The following TANC2 variants were observed in gnomAD, a reference collection of about 807,000 sequenced individuals.
TANC2 encodes the protein tetratricopeptide repeat, ankyrin repeat and coiled-coil containing 2.
A neutral mutation model predicts 210.5 loss-of-function variants in TANC2; 26 were observed. The observed-to-expected ratio is 0.12, with a 90% CI of 0.09 to 0.17. TANC2 has a LOEUF of 0.17. TANC2 is among the 10% of genes least tolerant of loss of function. TANC2 has a pLI of 1.00. For synonymous variants in TANC2, 931 were observed against 967.1 expected (o/e 0.96, Z 0.69); for missense variants, 2,129 against 2,608.9 (o/e 0.82, Z 4.01).
At chr17:63,247,331 C>T (rs919601836) in intron 8 of TANC2, among the ~76,000 whole-genome samples, 1 of 151,840 alleles carries the variant, frequency 6.6e-6, no homozygotes, top group Non-Finnish European at 1.5e-5. Flanking sequence ...TCACTTTCCT[C>T]TTTATCTTTT....
At chr17:63,134,140 G>A (rs958860499) in intron 4 of TANC2, among the ~76,000 whole-genome samples, 2 of 152,154 alleles carry the variant, frequency 1.3e-5, no homozygotes, top group Middle Eastern at 6.8e-3. Flanking sequence ...TGTGGGGAGA[G>A]GTGGGGAAAG....
rs765243268 is a variant in TANC2 at position 63,331,856 on chromosome 17, CTGTGTGTG to C, written c.1576-8217_1576-8210del. The C allele has an allele frequency of 2.2e-3, 344 of 153,310 alleles. 1 individual carries two copies. Among genetic ancestry groups the C allele is most frequent in the Middle Eastern group, 6.1e-3 (2 of 326 alleles). 9.5% of individuals were successfully genotyped at this position (153,310 alleles called of 1,614,324 possible). A position where few individuals can be genotyped will look rare whatever the true frequency, so the allele number is the denominator to read the frequency against. On this transcript the variant is annotated intron_variant, in intron 11 of 27. Transcript: ENST00000689528. ...TAAGAGTGTGTGTGTGTGTGTGTGTCTGTGTGTGTGTGTGTGTGTGTGTGTGTGTGTGT... is the reference window on the plus strand; with the variant it reads ...TAAGAGTGTGTGTGTGTGTGTGTGTCTGTGTGTGTGTGTGTGTGTGTGTGT...
At chr17:63,097,560 T>C (rs2037433786) in intron 3 of TANC2, among the ~76,000 whole-genome samples, 1 of 147,496 alleles carries the variant, frequency 6.8e-6, no homozygotes, top group Non-Finnish European at 1.5e-5. Flanking sequence ...CGATAGCTGA[T>C]AAGCTTTAAA....
intron 12 of TANC2, among the ~76,000 whole-genome samples, chr17:63,345,387 A>G (rs774857873): frequency 1.3e-5 from 2 of 152,330 alleles, no homozygotes; most frequent in African/African-American, 4.8e-5. Flanking sequence ...TGGGAGGCCA[A>G]CGCAGGTGGA....
At chr17:63,166,529 G>A (rs567278576) in intron 5 of TANC2, among the ~76,000 whole-genome samples, 1 of 152,228 alleles carries the variant, frequency 6.6e-6, no homozygotes, top group South Asian at 2.1e-4. Context: ...CTTCTGCTAG[G>A]AGTCCTGAGC....
chr17:63,297,198 G>T (rs1051241837), intron 9 of TANC2, among the ~76,000 whole-genome samples: 5 of 152,126 alleles, frequency 3.3e-5, no homozygotes, highest in Admixed American at 1.3e-4. Context: ...AGCCTGTTGG[G>T]CAGGAATGGA....
At chr17:63,401,386 A>G (rs146711433) in intron 19 of TANC2, among the ~76,000 whole-genome samples, 3 of 152,340 alleles carry the variant, frequency 2.0e-5, no homozygotes, top group African/African-American at 7.2e-5. Flanking sequence ...TGTAGCCATT[A>G]TTTTATGTGC....
Position 63,420,980 on chromosome 17 carries a change from A to G in TANC2, c.5250A>G (p.Gly1750=). 2 of 1,613,932 alleles carry G rather than the reference A, an allele frequency of 1.2e-6. No individual in the cohort carries two copies. The highest frequency in any genetic ancestry group is 1.1e-5 in the South Asian group (1 of 91,078). Residue 1750 remains glycine, a synonymous_variant, in exon 28 of 28, where the codon GGA becomes GGG. Coordinates refer to ENST00000689528, the Ensembl canonical transcript of TANC2. The surrounding 1 kb of genome is among the most constrained non-coding windows in gnomAD (Gnocchi z 4.2). ...TGGTTTATCAAGGGTCAATTGGGGG[A>G]ATCGTAGGGGATGGAAGGCCGGTGC...
chr17:63,359,348 ATT>A (rs750516556), intron 14 of TANC2, among the ~76,000 whole-genome samples: 1,698 of 134,810 alleles, frequency 0.013, 36 homozygotes, highest in African/African-American at 0.041. Flanking sequence ...CTGCACCAGC[ATT>A]TTTTTTTTTT....
chr17:63,243,638 C>CAA (rs2042837861), intron 8 of TANC2, among the ~76,000 whole-genome samples: 4 of 152,176 alleles, frequency 2.6e-5, no homozygotes, highest in African/African-American at 9.7e-5. Context: ...AAAATGATCA[C>CAA]ACTTCTATAA....
At chr17:63,075,306 G>A (rs2036532730) in intron 3 of TANC2, among the ~76,000 whole-genome samples, 1 of 152,018 alleles carries the variant, frequency 6.6e-6, no homozygotes. Context: ...TCTGAGCTTT[G>A]TCAGTTAAAA....
chr17:63,209,319 T>C (rs2041816624), intron 7 of TANC2, among the ~76,000 whole-genome samples: 3 of 151,438 alleles, frequency 2.0e-5, no homozygotes, highest in African/African-American at 4.9e-5. Context: ...GGCCACACTT[T>C]TTTTTTTTCC....
chr17:63,416,927 C>G (rs1160100508), intron 26 of TANC2, among the ~76,000 whole-genome samples: 1 of 152,240 alleles, frequency 6.6e-6, no homozygotes, highest in Non-Finnish European at 1.5e-5. Context: ...CTCCCCTGCA[C>G]CAGCCGATGA....
At chr17:63,176,598 G>A (rs933786195) in intron 5 of TANC2, among the ~76,000 whole-genome samples, 3 of 152,094 alleles carry the variant, frequency 2.0e-5, no homozygotes, top group Non-Finnish European at 4.4e-5. Flanking sequence ...AAGGTCAGAA[G>A]ATCGAGACCA....
chr17:63,253,262 T>G (rs1273011264), intron 8 of TANC2, among the ~76,000 whole-genome samples: 1 of 152,204 alleles, frequency 6.6e-6, no homozygotes, highest in African/African-American at 2.4e-5. Context: ...GAAATGTCTA[T>G]TTTTGCCCAT....
chr17:63,077,769 G>A (rs1461949085), intron 3 of TANC2, among the ~76,000 whole-genome samples: 2 of 152,102 alleles, frequency 1.3e-5, no homozygotes, highest in Admixed American at 6.5e-5. Context: ...AGTAGAAAAC[G>A]TGATCAGTTT....
At chr17:63,203,974 G>A (rs1180651617) in intron 7 of TANC2, among the ~76,000 whole-genome samples, 2 of 152,118 alleles carry the variant, frequency 1.3e-5, no homozygotes, top group Admixed American at 1.3e-4. Context: ...TCCCACATTT[G>A]GCTTCCTTCT....
intron 7 of TANC2, among the ~76,000 whole-genome samples, chr17:63,222,720 A>ACACACACACACAC (rs2042226859): frequency 6.7e-6 from 1 of 148,866 alleles, no homozygotes; most frequent in African/African-American, 2.5e-5. Context: ...AAACTGATTA[A>ACACACACACACAC]ACACACACAC....
chr17:63,186,602 C>A (rs934400267), intron 5 of TANC2, among the ~76,000 whole-genome samples: 15 of 151,906 alleles, frequency 9.9e-5, no homozygotes, highest in Admixed American at 3.3e-4. Context: ...ATCCACCCCC[C>A]GCTTCAGCCT....
Sources: gnomAD v4.1 joint callset for allele counts (sites outside exome capture counted in the v4.1 genomes callset) on GRCh38, gnomAD v4.1.1 for gene constraint, Gnocchi (gnomAD v3.1) non-coding constraint, MANE v1.5 for transcripts, NCBI Gene and HGNC (gene_info 2026-07-23, HGNC 2026-07-21) for gene names.